DNAH1: variants seen among roughly 807,000 people sequenced by gnomAD.
DNAH1 encodes the protein dynein axonemal heavy chain 1.
A neutral mutation model predicts 484.3 loss-of-function variants in DNAH1; 327 were observed. That is an observed-to-expected ratio of 0.68 (90% confidence interval 0.62 to 0.74). The LOEUF is 0.74. Among genes scored for constraint, DNAH1 ranks in the 30% least tolerant of loss-of-function variants. DNAH1 has a pLI of 0.00. For missense variants in DNAH1, 5,052 were observed against 5,546.8 expected (o/e 0.91, Z 2.83); for synonymous variants, 2,192 against 2,191.9 (o/e 1.00, Z 0.00).
At chr3:52,366,424 T>TC in intron 34 of DNAH1, 33 bp from the exon 35 acceptor site, 5 of 1,550,242 alleles carry the variant, frequency 3.2e-6, no homozygotes, top group Non-Finnish European at 4.4e-6. Flanking sequence ...AAGCCCATGC[T>TC]CTGACCCTTG....
chr3:52,349,167 C>T (rs1215410945), intron 13 of DNAH1, 28 bp from the exon 14 acceptor site: 1 of 1,611,980 alleles, frequency 6.2e-7, no homozygotes, highest in Admixed American at 1.7e-5. Flanking sequence ...CCATCCTCTG[C>T]CCCCTCCCGT....
chr3:52,365,154 C>G, intron 34 of DNAH1, 135 bp downstream of exon 34: 4 of 1,250,336 alleles, frequency 3.2e-6, no homozygotes, highest in Non-Finnish European at 4.3e-6. Context: ...GGCCCGGGCT[C>G]TCAGCCGAGC....
intron 3 of DNAH1, 57 bp from the exon 4 acceptor site, chr3:52,326,083 C>CTGGTTTT: frequency 7.1e-7 from 1 of 1,405,360 alleles, no homozygotes; most frequent in South Asian, 1.6e-5. Context: ...GGGGTGGAGG[C>CTGGTTTT]TGGTTTTTGG....
chr3:52,322,683 C>A lies in DNAH1; in HGVS notation c.241C>A (p.Pro81Thr). 1 of 1,613,876 alleles carries A rather than the reference C, an allele frequency of 6.2e-7. No individual in the cohort carries two copies. Among genetic ancestry groups the A allele is most frequent in the Non-Finnish European group, 8.5e-7 (1 of 1,179,840 alleles). The change falls in exon 2 of 78, where the codon CCC becomes ACC. Residue 81 changes from proline (P) to threonine (T), a missense_variant. Coordinates refer to ENST00000420323, the MANE Select transcript of DNAH1 (RefSeq NM_015512.5). The stretch of plus-strand genomic sequence containing the variant: ...AGACTTGGGGCAGCCACGGAAGTCA[C>A]CCCTGACAGGCACTGATAAGAAGTA... Reference protein sequence around the residue: ...LSDLGQPRKSPLTGTDKKYPL... With the variant: ...LSDLGQPRKSTLTGTDKKYPL...
intron 63 of DNAH1, among the ~76,000 whole-genome samples, chr3:52,392,185 T>C (rs760622981): frequency 6.6e-6 from 1 of 152,052 alleles, no homozygotes; most frequent in Non-Finnish European, 1.5e-5. Flanking sequence ...GCCAAGGAGG[T>C]ATTGTCCAGA....
chr3:52,360,467 C>T (rs1203318833), intron 28 of DNAH1, 43 bp downstream of exon 28: 1 of 1,512,472 alleles, frequency 6.6e-7, no homozygotes, highest in Non-Finnish European at 9.1e-7. Context: ...GAGACCCTCC[C>T]TCTAGTTCTC....
Position 52,362,329 on chromosome 3 carries a change from G to C in DNAH1, c.4981-59G>C, listed in dbSNP as rs1345891368. ...CAACAGGGGACAAGGGGCCCACTCA[G>C]AGGAGGGGACAAGGCTGGGCACCCT... On this transcript the variant is annotated intron_variant, in intron 30 of 77. Transcript: ENST00000420323. The surrounding 1 kb of genome is among the most constrained non-coding windows in gnomAD (Gnocchi z 5.1). 6.9e-7 allele frequency: 1 copy of C among 1,445,100 alleles called. No individual in the cohort carries two copies. The highest frequency in any genetic ancestry group is 9.6e-7 in the Non-Finnish European group (1 of 1,040,834). 89.5% of individuals were successfully genotyped at this position (1,445,100 alleles called of 1,614,324 possible).
Position 52,393,330 on chromosome 3 carries a change from A to C in DNAH1, c.10475-4A>C. 1 of 1,613,696 alleles carries C rather than the reference A, an allele frequency of 6.2e-7. No individual in the cohort carries two copies. The highest frequency in any genetic ancestry group is 8.5e-7 in the Non-Finnish European group (1 of 1,179,762). On this transcript the variant is annotated splice_polypyrimidine_tract_variant and splice_region_variant and intron_variant, in intron 65 of 77. Coordinates refer to ENST00000420323, the MANE Select transcript of DNAH1 (RefSeq NM_015512.5). ...CGCGCTGCCATCACTTCTCCACTCC[A>C]CAGACAACCTGAAGAAGCGCATCTC...
chr3:52,369,869 A>C lies in DNAH1; in HGVS notation c.5988A>C (p.Ser1996=), dbSNP rs61753436. Residue 1996 remains serine, a synonymous_variant, in exon 38 of 78, where the codon TCA becomes TCC. Transcript: ENST00000420323. ...AGGTGCAAGACCTGGCGGTGGCTTC[A>C]CCAGCTACAGTCTCCCGCTGTGGCA... is the stretch of plus-strand genomic sequence containing the variant. ...MFEVQDLAVA[S]PATVSRCGMV... is the part of the protein sequence containing the mutation. 4,021 of 1,613,024 alleles carry C rather than the reference A, an allele frequency of 2.5e-3. 85 individuals carry two copies. The African/African-American group carries it at 0.045, about 18-fold the overall frequency.
At position 52,362,349 on chromosome 3, in the gene DNAH1, C is replaced by T. The variant is rs1184642106; in HGVS notation, c.4981-39C>T. The T allele has an allele frequency of 7.0e-6, 11 of 1,570,852 alleles. No homozygotes were observed. The highest frequency in any genetic ancestry group is 2.7e-5 in the African/African-American group (2 of 74,094). On this transcript the variant is annotated intron_variant, in intron 30 of 77. Coordinates refer to ENST00000420323, the MANE Select transcript of DNAH1 (RefSeq NM_015512.5). The surrounding 1 kb of genome is among the most constrained non-coding windows in gnomAD (Gnocchi z 5.1). ...ACTCAGAGGAGGGGACAAGGCTGGG[C>T]ACCCTAGTCCCAGGCAAGTCAGCCT...
rs749337531 is a variant in DNAH1 at position 52,384,972 on chromosome 3, G to A, written c.8509G>A (p.Asp2837Asn). Residue 2837 changes from aspartate to asparagine, a missense_variant, in exon 53 of 78, where the codon GAC becomes AAC. Coordinates refer to ENST00000420323, the MANE Select transcript of DNAH1 (RefSeq NM_015512.5). ...CAAGAACCGCATGAAGAGCGGCCTCGACAAGGTGGGCCCAGGCGAGTCCCC... is the reference window on the plus strand; with the variant it reads ...CAAGAACCGCATGAAGAGCGGCCTCAACAAGGTGGGCCCAGGCGAGTCCCC... ...TAKNRMKSGL[D>N]KLLRTSEDVA... 18 of 1,612,132 alleles carry A rather than the reference G, an allele frequency of 1.1e-5. No homozygotes were observed. In the East Asian group the frequency reaches 3.6e-4, roughly 32 times the overall value.
chr3:52,379,095 C>A lies in DNAH1; in HGVS notation c.7377+315C>A, dbSNP rs889184861. Among the ~76,000 whole-genome samples, 1 of 152,146 alleles carries A rather than the reference C, an allele frequency of 6.6e-6. No individual in the cohort carries two copies. Among genetic ancestry groups the A allele is most frequent in the Non-Finnish European group, 1.5e-5 (1 of 68,022 alleles). On this transcript the variant is annotated intron_variant, in intron 47 of 77. Coordinates refer to ENST00000420323, the MANE Select transcript of DNAH1 (RefSeq NM_015512.5). This position sits in a 1 kb window ranked among gnomAD's most constrained non-coding sequence, Gnocchi z 4.4. Reference sequence around the variant, plus strand: ...CAGTGAGCAGGGTGCCCTCTGGGAACCAAAAACCCCAGGTGGAAGGAGGGG... The same window carrying A: ...CAGTGAGCAGGGTGCCCTCTGGGAAACAAAAACCCCAGGTGGAAGGAGGGG...
chr3:52,398,910 G>C lies in DNAH1; in HGVS notation c.12150G>C (p.Lys4050Asn), dbSNP rs574007104. The C allele has an allele frequency of 6.2e-7, 1 of 1,607,386 alleles. No individual in the cohort carries two copies. The highest frequency in any genetic ancestry group is 8.5e-7 in the Non-Finnish European group (1 of 1,175,954). ...QTLQDLLKAL[K>N]GLVVMSSQLE... The stretch of plus-strand genomic sequence containing the variant: ...TGCAAGACCTACTCAAGGCACTCAA[G>C]GGGCTGGTAGTGATGTCCTCTCAGC... The change falls in exon 76 of 78, where the codon AAG becomes AAC. Residue 4050 changes from lysine (K) to asparagine (N), a missense_variant. This residue lies in a region of DNAH1 where 853 missense variants were observed against 899.0 expected (regional missense o/e 0.95). Coordinates refer to ENST00000420323, the MANE Select transcript of DNAH1 (RefSeq NM_015512.5).
intron 58 of DNAH1, 26 bp from the exon 59 acceptor site, chr3:52,388,780 C>T (rs1216643330): frequency 6.2e-7 from 1 of 1,611,986 alleles, no homozygotes. Flanking sequence ...CCTCCCAGAG[C>T]CCACCCCACG....
chr3:52,346,229 C>T (rs1702135814), intron 10 of DNAH1, among the ~76,000 whole-genome samples: 1 of 152,210 alleles, frequency 6.6e-6, no homozygotes, highest in Non-Finnish European at 1.5e-5. Flanking sequence ...AGTCCTGCTT[C>T]TGCTGTCCTG....
rs1305229054 is a variant in DNAH1 at position 52,350,046 on chromosome 3, G to T, written c.2584G>T (p.Glu862Ter). ...GATCTATGAGAAGCCCAACAGCATT[G>T]AGGAGCTGGCTGAGCTGCGAGAGTG... is the stretch of plus-strand genomic sequence containing the variant. ...RKIYEKPNSIEELAELREWMK... is the reference protein window; with the variant it reads ...RKIYEKPNSI The change falls in exon 15 of 78, where the codon GAG becomes TAG. Residue 862 changes from glutamate (E) to a stop codon, truncating the protein, a stop_gained. Coordinates refer to ENST00000420323, the MANE Select transcript of DNAH1 (RefSeq NM_015512.5). LOFTEE classifies it high-confidence loss of function. 1 of 1,613,246 alleles carries T rather than the reference G, an allele frequency of 6.2e-7. No individual in the cohort carries two copies. Among genetic ancestry groups the T allele is most frequent in the Non-Finnish European group, 8.5e-7 (1 of 1,179,788 alleles).
chr3:52,359,136 A>G (rs772670218), intron 25 of DNAH1, 110 bp from the exon 26 acceptor site: 369 of 1,460,856 alleles, frequency 2.5e-4, no homozygotes, highest in Non-Finnish European at 3.2e-4. Context: ...GGCATCAACA[A>G]CTGGAGCCAA....
Position 52,346,635 on chromosome 3 carries a change from T to C in DNAH1, c.1820T>C (p.Leu607Pro), listed in dbSNP as rs986539136. 2 of 1,614,084 alleles carry C rather than the reference T, an allele frequency of 1.2e-6. No homozygotes were observed. Among genetic ancestry groups the C allele is most frequent in the Non-Finnish European group, 1.7e-6 (2 of 1,179,898 alleles). ...RKLMELVKYM[L>P]QDTLRFLVQD... The stretch of plus-strand genomic sequence containing the variant: ...CTGATGGAGCTGGTGAAGTACATGC[T>C]GCAGGACACACTGCGCTTCCTGGTG... The change falls in exon 11 of 78, where the codon CTG becomes CCG. Residue 607 changes from leucine to proline, a missense_variant. Around this residue, in one of 4 missense-constraint regions of DNAH1, gnomAD observed 1,263 missense variants for 1,218.8 expected, o/e 1.04. Transcript: ENST00000420323.
rs1179622859 is a variant in DNAH1, at chr3:52,395,227, C to G, written c.10969-81C>G. ...ACCAGGAAGCCCACTGGGGACCACT[C>G]TGAGAACCCCAGATCCCCCTCCCTT... On this transcript the variant is annotated intron_variant, in intron 68 of 77. Coordinates refer to ENST00000420323, the MANE Select transcript of DNAH1 (RefSeq NM_015512.5). The surrounding 1 kb of genome is among the most constrained non-coding windows in gnomAD (Gnocchi z 4.4). 1 of 1,526,634 alleles carries G rather than the reference C, an allele frequency of 6.6e-7. No individual in the cohort carries two copies. Among genetic ancestry groups the G allele is most frequent in the African/African-American group, 1.4e-5 (1 of 72,904 alleles). 94.6% of individuals were successfully genotyped at this position (1,526,634 alleles called of 1,614,324 possible).
Sources: gnomAD v4.1 joint callset for allele counts (sites outside exome capture counted in the v4.1 genomes callset) on GRCh38, gnomAD v4.1.1 for gene constraint, gnomAD v4.1.1 regional missense constraint, Gnocchi (gnomAD v3.1) non-coding constraint, MANE v1.5 for transcripts, NCBI Gene and HGNC (gene_info 2026-07-23, HGNC 2026-07-21) for gene names.